Variants in IBTK observed in about 807,000 individuals in gnomAD.
IBTK encodes the protein inhibitor of Bruton tyrosine kinase.
A neutral mutation model predicts 154.9 loss-of-function variants in IBTK; 83 were observed. The ratio of observed to expected loss-of-function variants is 0.54; its 90% CI spans 0.45 to 0.64. IBTK has a LOEUF of 0.64. IBTK is among the 30% of genes least tolerant of loss of function. IBTK has a pLI of 0.00. For missense variants in IBTK, 1,332 were observed against 1,584.6 expected, an observed-to-expected ratio of 0.84 and a Z score of 2.71; for synonymous variants, 515 against 536.1, an observed-to-expected ratio of 0.96 and a Z score of 0.54.
intron 26 of IBTK, chr6:82,173,674 AAT>A (rs35757334): frequency 5.2e-6 from 1 of 190,690 alleles, no homozygotes; most frequent in Admixed American, 6.3e-5. Context: ...TCTAATAATA[AAT>A]ATATATATAC....
At chr6:82,178,698 T>C (rs943462313) in intron 26 of IBTK, among the ~76,000 whole-genome samples, 1 of 152,038 alleles carries the variant, frequency 6.6e-6, no homozygotes, top group Non-Finnish European at 1.5e-5. Flanking sequence ...ATCACACTAA[T>C]AAATATGGAA....
rs1178042369 is a variant in IBTK at position 82,201,493 on chromosome 6, G to A, written c.2730-11C>T. 3.2e-6 allele frequency: 5 copies of A among 1,580,044 alleles called. No individual in the cohort carries two copies. The African/African-American group carries it at 4.1e-5, about 13-fold the overall frequency. On this transcript the variant is annotated splice_polypyrimidine_tract_variant and intron_variant, in intron 18 of 28. Coordinates refer to ENST00000306270, the MANE Select transcript of IBTK (RefSeq NM_015525.4). ...AAAACATCAAGAGACCTAAAATATAGGATACAAAATTCTATCTTAAGATTC... is the reference window on the plus strand; with the variant it reads ...AAAACATCAAGAGACCTAAAATATAAGATACAAAATTCTATCTTAAGATTC...
In IBTK at chr6:82,240,478, T is replaced by A; in HGVS notation, c.9A>T (p.Ser3=). ...ACTTTGATGTGCAGTCAGGCATGGG[T>A]GAACTCATCCTAACTGTTTTTATAC... MS[S]PMPDCTSKCR... is the part of the protein sequence containing the mutation. The change falls in exon 2 of 29, where the codon TCA becomes TCT. Residue 3 remains serine (S), a synonymous_variant. Transcript: ENST00000306270. 1 of 1,611,918 alleles carries A rather than the reference T, an allele frequency of 6.2e-7. No homozygotes were observed. The highest frequency in any genetic ancestry group is 8.5e-7 in the Non-Finnish European group (1 of 1,179,330).
chr6:82,172,353 T>A, intron 28 of IBTK, 27 bp downstream of exon 28: 1 of 1,599,270 alleles, frequency 6.3e-7, no homozygotes, highest in Non-Finnish European at 8.5e-7. Flanking sequence ...CTTCTCTAAA[T>A]TAAACCCTAC....
chr6:82,172,180 T>C (rs907939877), intron 28 of IBTK, among the ~76,000 whole-genome samples, 200 bp downstream of exon 28: 1 of 152,182 alleles, frequency 6.6e-6, no homozygotes, highest in African/African-American at 2.4e-5. Flanking sequence ...TCATAATTTA[T>C]TAGTCATAAA....
chr6:82,209,049 C>T (rs552734387), intron 16 of IBTK, among the ~76,000 whole-genome samples: 1 of 152,204 alleles, frequency 6.6e-6, no homozygotes, highest in African/African-American at 2.4e-5. Flanking sequence ...ACTTCACACC[C>T]GTTAGGATGG....
chr6:82,233,741 T>A (rs1472628222), intron 3 of IBTK, among the ~76,000 whole-genome samples: 1 of 133,428 alleles, frequency 7.5e-6, no homozygotes, highest in Non-Finnish European at 1.6e-5. Flanking sequence ...TGAGACGAAG[T>A]CTAGCTCTAT....
intron 8 of IBTK, 73 bp downstream of exon 8, chr6:82,223,367 C>T (rs1473218665): frequency 9.7e-6 from 12 of 1,230,888 alleles, no homozygotes; most frequent in Non-Finnish European, 1.4e-5. Context: ...TAGCATAAAG[C>T]TAACACTCAG....
rs1767883903 is a variant in IBTK, at chr6:82,170,159, G to A, written c.*1266C>T. On this transcript the variant is annotated 3_prime_UTR_variant, in exon 29 of 29. Coordinates refer to ENST00000306270, the MANE Select transcript of IBTK (RefSeq NM_015525.4). ...ACTTAACCATATACTGGCCACTAGT[G>A]TAGCACATCAGAAAAAATAATTATT... 1 of 152,332 alleles carries A rather than the reference G, an allele frequency of 6.6e-6. No homozygotes were observed. Among genetic ancestry groups the A allele is most frequent in the South Asian group, 2.1e-4 (1 of 4,818 alleles). 9.4% of individuals were successfully genotyped at this position (152,332 alleles called of 1,614,324 possible). A position where few individuals can be genotyped will look rare whatever the true frequency, so the allele number is the denominator to read the frequency against.
chr6:82,172,623 G>T, intron 27 of IBTK, 111 bp from the exon 28 acceptor site: 1 of 857,622 alleles, frequency 1.2e-6, no homozygotes, highest in Non-Finnish European at 1.7e-6. Flanking sequence ...GACCTACAAT[G>T]AACGAACCTG....
At chr6:82,208,700 T>C (rs1193722214) in intron 16 of IBTK, among the ~76,000 whole-genome samples, 2 of 151,992 alleles carry the variant, frequency 1.3e-5, no homozygotes, top group South Asian at 2.1e-4. Flanking sequence ...GCCATGACCA[T>C]GCCACTGCAC....
At position 82,214,418 on chromosome 6, in the gene IBTK, C is replaced by T. The variant is rs1427466208; in HGVS notation, c.2013G>A (p.Val671=). 3 of 1,613,804 alleles carry T rather than the reference C, an allele frequency of 1.9e-6. No homozygotes were observed. The African/African-American group carries it at 4.0e-5, about 22-fold the overall frequency. Residue 671 remains valine, a synonymous_variant, in exon 12 of 29, where the codon GTG becomes GTA. Transcript: ENST00000306270. ...TCTGGTTATCATCTTCATGGAAATT[C>T]ACTTTATTCAAATGAGAATTCAGAG... ...QGTLNSHLNK[V]NFHEDDNQKS... is the part of the protein sequence containing the mutation.
rs1234114657 is a variant in IBTK at position 82,196,294 on chromosome 6, A to G, written c.3174+4T>C. On this transcript the variant is annotated splice_donor_region_variant and intron_variant, in intron 22 of 28. Coordinates refer to ENST00000306270, the MANE Select transcript of IBTK (RefSeq NM_015525.4). ...GTAAGGAGGTAGTGCTTCAAAAAAC[A>G]AACCTCAATCTTATCTGAATGAAAT... The G allele has an allele frequency of 6.3e-7, 1 of 1,589,916 alleles. No individual in the cohort carries two copies. Among genetic ancestry groups the G allele is most frequent in the Non-Finnish European group, 8.5e-7 (1 of 1,170,370 alleles).
chr6:82,204,825 A>G, intron 17 of IBTK, 32 bp downstream of exon 17: 1 of 1,274,838 alleles, frequency 7.8e-7, no homozygotes, highest in Non-Finnish European at 1.1e-6. Flanking sequence ...GAACCTGAAA[A>G]CATATTAATA....
chr6:82,236,873 C>T lies in IBTK; in HGVS notation c.322-2618G>A, dbSNP rs537477453. On this transcript the variant is annotated intron_variant, in intron 2 of 28. Coordinates refer to ENST00000306270, the MANE Select transcript of IBTK (RefSeq NM_015525.4). ...TGCTGAACAAAAGCAGACAGCCTAC[C>T]AACATGAGAATGCTGAATGGTTAAT... 2.0e-4 allele frequency among the ~76,000 whole-genome samples: 30 copies of T among 152,194 alleles called. 1 individual carries two copies. The East Asian group carries it at 5.2e-3, about 26-fold the overall frequency.
At chr6:82,227,912 G>A (rs1309161355) in intron 4 of IBTK, among the ~76,000 whole-genome samples, 1 of 150,166 alleles carries the variant, frequency 6.7e-6, no homozygotes, top group East Asian at 1.9e-4. Flanking sequence ...TTCCTTATCT[G>A]CCTCAATCTC....
chr6:82,240,285 A>C lies in IBTK; in HGVS notation c.202T>G (p.Leu68Val). 4 of 1,614,206 alleles carry C rather than the reference A, an allele frequency of 2.5e-6. No homozygotes were observed. The highest frequency in any genetic ancestry group is 3.4e-6 in the Non-Finnish European group (4 of 1,180,022). The stretch of plus-strand genomic sequence containing the variant: ...ACTCCTTTCTGAATAAGCCAATCTA[A>C]CACTCCTTTCTTTCCACAGGAGGAA... ...LVSSCGKKGVLDWLIQKGVDL... is the reference protein window; with the variant it reads ...LVSSCGKKGVVDWLIQKGVDL... The change falls in exon 2 of 29, where the codon TTA becomes GTA. Residue 68 changes from leucine (L) to valine (V), a missense_variant. Leu to Val is a conservative substitution (Grantham distance 32). Around this residue, in one of 3 missense-constraint regions of IBTK, gnomAD observed 84 missense variants for 96.2 expected, o/e 0.87. Coordinates refer to ENST00000306270, the MANE Select transcript of IBTK (RefSeq NM_015525.4).
At chr6:82,228,857 G>A (rs910696986) in intron 4 of IBTK, among the ~76,000 whole-genome samples, 9 of 151,974 alleles carry the variant, frequency 5.9e-5, no homozygotes, top group Non-Finnish European at 1.0e-4. Context: ...TCCTGACCTC[G>A]TGATCTGCCC....
chr6:82,180,350 A>G (rs778937973), intron 26 of IBTK, among the ~76,000 whole-genome samples: 2 of 151,858 alleles, frequency 1.3e-5, no homozygotes, highest in Non-Finnish European at 2.9e-5. Context: ...GGCTCAAGCA[A>G]TCCTCCCACC....
Sources: allele counts gnomAD v4.1 joint callset (sites outside exome capture counted in the v4.1 genomes callset), GRCh38; gene constraint gnomAD v4.1.1; regional missense constraint gnomAD v4.1.1; transcripts MANE v1.5; gene names NCBI Gene and HGNC (gene_info 2026-07-23, HGNC 2026-07-21).